The following ARHGEF12 variants were observed in gnomAD, a reference collection of about 807,000 sequenced individuals.
ARHGEF12 encodes KMT2A/ARHGEF12 fusion protein.
Under a neutral mutation model 211.2 loss-of-function variants are expected in ARHGEF12, and 66 were observed. The observed-to-expected ratio is 0.31, with a 90% CI of 0.26 to 0.38. ARHGEF12 has a LOEUF of 0.38. ARHGEF12 is among the 10% of genes least tolerant of loss of function. The pLI, the probability that ARHGEF12 is intolerant of heterozygous loss-of-function variation, is 1.00. For missense variants in ARHGEF12, 1,429 were observed against 1,869.5 expected, an observed-to-expected ratio of 0.76 and a Z score of 4.34; for synonymous variants, 592 against 638.4, an observed-to-expected ratio of 0.93 and a Z score of 1.09.
rs56970429 is a variant in ARHGEF12, at chr11:120,411,581, CTTTTTTTTTTTT to C, written c.199+2146_199+2157del. ...TATTATTTATTTTAAACTTTCTTGG[CTTTTTTTTTTTT>C]TTTTTTTTTTTTTTGAGACAAGATC... On this transcript the variant is annotated intron_variant, in intron 4 of 40. Transcript: ENST00000397843. 2.0e-3 allele frequency: 83 copies of C among 40,704 alleles called. 1 individual carries two copies. Among genetic ancestry groups the C allele is most frequent in the African/African-American group, 7.7e-3 (80 of 10,396 alleles). 2.5% of individuals were successfully genotyped at this position (40,704 alleles called of 1,614,324 possible).
rs138609487 is a variant in ARHGEF12, at chr11:120,476,803, G to C, written c.3365+55G>C. 2.9e-6 allele frequency: 4 copies of C among 1,361,670 alleles called. No homozygotes were observed. The African/African-American group carries it at 4.4e-5, about 15-fold the overall frequency. The allele number at this position is 1,361,670 out of a possible 1,614,324, so 84.3% of individuals were successfully genotyped here. Reference sequence around the variant, plus strand: ...AGCTAATATTTTCATTATCCCAAGCGTAATATTCCATAAACTTAACTTTGT... The same window carrying C: ...AGCTAATATTTTCATTATCCCAAGCCTAATATTCCATAAACTTAACTTTGT... On this transcript the variant is annotated intron_variant, in intron 34 of 40. Coordinates refer to ENST00000397843, the MANE Select transcript of ARHGEF12 (RefSeq NM_015313.3).
At chr11:120,392,504 T>C (rs1009821233) in intron 1 of ARHGEF12, among the ~76,000 whole-genome samples, 1 of 152,188 alleles carries the variant, frequency 6.6e-6, no homozygotes, top group Non-Finnish European at 1.5e-5. Flanking sequence ...GGTTGGTGTT[T>C]GTGTAACTTT....
rs1480831164 is a variant in ARHGEF12, at chr11:120,485,081, C to T, written c.*4C>T. The T allele has an allele frequency of 1.2e-6, 2 of 1,613,498 alleles. No homozygotes were observed. Among genetic ancestry groups the T allele is most frequent in the Non-Finnish European group, 1.7e-6 (2 of 1,179,736 alleles). ...ATTCTTCTCAGATAAAAGTTAGAGC[C>T]GCATGTCCTGGAGGTGACTGCAGGT... On this transcript the variant is annotated 3_prime_UTR_variant, in exon 41 of 41. Coordinates refer to ENST00000397843, the MANE Select transcript of ARHGEF12 (RefSeq NM_015313.3).
chr11:120,407,457 G>C (rs11217859), intron 2 of ARHGEF12, among the ~76,000 whole-genome samples: 28,294 of 151,970 alleles, frequency 0.19, 2,985 homozygotes, highest in Non-Finnish European at 0.23. Context: ...GTATTGACCT[G>C]TGAAAACCAC....
rs1483560417 is a variant in ARHGEF12 at position 120,420,795 on chromosome 11, G to A, written c.242G>A (p.Gly81Glu). The change falls in exon 5 of 41, where the codon GGA becomes GAA. Residue 81 changes from glycine (G) to glutamate (E), a missense_variant. By Grantham distance (98) the Gly-to-Glu change is moderately conservative. This residue lies in a region of ARHGEF12 where 60 missense variants were observed against 121.0 expected (regional missense o/e 0.50). Transcript: ENST00000397843. The part of the protein sequence containing the change: ...RCVIIQKDDN[G>E]FGLTVSGDNP... ...GTAATCATCCAGAAAGATGACAATGGATTTGGGCTGACGGTCAGTGGAGAC... is the reference window on the plus strand; with the variant it reads ...GTAATCATCCAGAAAGATGACAATGAATTTGGGCTGACGGTCAGTGGAGAC... 8.1e-6 allele frequency: 13 copies of A among 1,614,002 alleles called. No homozygotes were observed. Among genetic ancestry groups the A allele is most frequent in the African/African-American group, 1.3e-5 (1 of 74,938 alleles).
At chr11:120,459,045 T>C in intron 25 of ARHGEF12, 129 bp from the exon 26 acceptor site, 1 of 823,286 alleles carries the variant, frequency 1.2e-6, no homozygotes, top group Non-Finnish European at 1.6e-6. Flanking sequence ...TCAGAGATAT[T>C]TCATCCTTTC....
chr11:120,407,272 T>A (rs1001538479), intron 2 of ARHGEF12, among the ~76,000 whole-genome samples: 1 of 152,220 alleles, frequency 6.6e-6, no homozygotes, highest in Non-Finnish European at 1.5e-5. Context: ...TAGAACTACA[T>A]CAGCAGGCTT....
At chr11:120,403,892 A>G (rs1318589180) in intron 1 of ARHGEF12, among the ~76,000 whole-genome samples, 1 of 152,316 alleles carries the variant, frequency 6.6e-6, no homozygotes, top group East Asian at 1.9e-4. Context: ...TCATCAGACT[A>G]ATGGTTGAAC....
Position 120,480,945 on chromosome 11 carries a change from G to C in ARHGEF12, c.4238-315G>C, listed in dbSNP as rs141404402. ...AGCTTTTTGTGGTGATCGAACACTG[G>C]ATGAGGGAGACAATGGCAGGAGATG... On this transcript the variant is annotated intron_variant, in intron 38 of 40. Transcript: ENST00000397843. Among the ~76,000 whole-genome samples, 279 of 152,298 alleles carry C rather than the reference G, an allele frequency of 1.8e-3. 1 individual carries two copies. Among genetic ancestry groups the C allele is most frequent in the African/African-American group, 6.4e-3 (268 of 41,564 alleles).
At chr11:120,410,834 A>C (rs1464184810) in intron 4 of ARHGEF12, 1 of 152,136 alleles carries the variant, frequency 6.6e-6, no homozygotes, top group Non-Finnish European at 1.5e-5. Context: ...GAACTACCTA[A>C]TTCCTGGAGA....
At chr11:120,479,770 T>C (rs1947172494) in intron 37 of ARHGEF12, among the ~76,000 whole-genome samples, 190 bp from the exon 38 acceptor site, 1 of 152,214 alleles carries the variant, frequency 6.6e-6, no homozygotes, top group Admixed American at 6.5e-5. Flanking sequence ...TTATTTCATC[T>C]TCAAAACAAA....
At chr11:120,470,874 G>A (rs1057062765) in intron 30 of ARHGEF12, among the ~76,000 whole-genome samples, 3 of 152,170 alleles carry the variant, frequency 2.0e-5, no homozygotes, top group Admixed American at 1.3e-4. Context: ...TGTATTATCT[G>A]TGGCTACTTT....
chr11:120,363,017 G>A (rs995788313), intron 1 of ARHGEF12, among the ~76,000 whole-genome samples: 7 of 152,162 alleles, frequency 4.6e-5, no homozygotes, highest in South Asian at 2.1e-4. Flanking sequence ...GGAGAATGGC[G>A]TGAACTCGGG....
intron 1 of ARHGEF12, among the ~76,000 whole-genome samples, chr11:120,343,117 T>C (rs932762131): frequency 1.3e-5 from 2 of 152,238 alleles, no homozygotes; most frequent in Non-Finnish European, 2.9e-5. Context: ...ACTTTCTTGC[T>C]GTTGTATTTA....
intron 10 of ARHGEF12, among the ~76,000 whole-genome samples, chr11:120,430,955 G>A (rs536625000): frequency 3.0e-4 from 45 of 152,090 alleles, no homozygotes; most frequent in African/African-American, 1.1e-3. Context: ...TTATTACTAG[G>A]CAAATATAAT....
chr11:120,391,770 T>G (rs1944225293), intron 1 of ARHGEF12, among the ~76,000 whole-genome samples: 1 of 152,244 alleles, frequency 6.6e-6, no homozygotes, highest in Non-Finnish European at 1.5e-5. Flanking sequence ...CCTCCCATTC[T>G]TTGCTAGTTT....
chr11:120,475,248 G>T (rs1171790860), intron 32 of ARHGEF12, 92 bp from the exon 33 acceptor site: 1 of 1,216,576 alleles, frequency 8.2e-7, no homozygotes, highest in Admixed American at 2.5e-5. Flanking sequence ...AGCTTTAACA[G>T]AAATAGAATT....
intron 4 of ARHGEF12, 43 bp downstream of exon 4, chr11:120,409,493 C>T (rs1028056092): frequency 1.9e-6 from 3 of 1,581,878 alleles, no homozygotes; most frequent in Non-Finnish European, 2.6e-6. Flanking sequence ...TTGGAGCTTG[C>T]TTCATGGTGT....
chr11:120,358,352 T>C (rs1452211550), intron 1 of ARHGEF12, among the ~76,000 whole-genome samples: 1 of 152,044 alleles, frequency 6.6e-6, no homozygotes, highest in Admixed American at 6.5e-5. Context: ...GCTTTCTGGG[T>C]TGTGTCCTTG....
Sources: gnomAD v4.1 joint callset for allele counts (sites outside exome capture counted in the v4.1 genomes callset) on GRCh38, gnomAD v4.1.1 for gene constraint, gnomAD v4.1.1 regional missense constraint, MANE v1.5 for transcripts, NCBI Gene and HGNC (gene_info 2026-07-23, HGNC 2026-07-21) for gene names.